Variants in CELF2 observed in about 807,000 individuals in gnomAD.
CELF2 encodes CUGBP Elav-like family member 2.
In CELF2, 8 loss-of-function variants were observed where a neutral mutation model predicts 62.6. The observed-to-expected ratio is 0.13, with a 90% CI of 0.07 to 0.23. The LOEUF (loss-of-function observed/expected upper bound fraction) is 0.23, where lower values mean the gene tolerates loss of function less well. Ranked by LOEUF, CELF2 falls within the 10% of genes least tolerant of loss-of-function variation. The pLI, the probability that CELF2 is intolerant of heterozygous loss-of-function variation, is 1.00. For synonymous variants in CELF2, 258 were observed against 250.0 expected, an observed-to-expected ratio of 1.03 and a Z score of -0.30; for missense variants, 333 against 671.0, an observed-to-expected ratio of 0.50 and a Z score of 5.56.
At chr10:10,668,128 T>C in the CELF2 span, among the ~76,000 whole-genome samples, 1 of 152,190 alleles carries the variant, frequency 6.6e-6, no homozygotes, top group Admixed American at 6.5e-5. Context: ...GCTTTCACCA[T>C]TGACATTTTT....
chr10:11,238,291 T>C (rs559764217), intron 3 of CELF2, among the ~76,000 whole-genome samples: 2 of 152,334 alleles, frequency 1.3e-5, no homozygotes, highest in African/African-American at 4.8e-5. Flanking sequence ...TCGTGGTCTT[T>C]TGTTGTAATT....
the CELF2 span, among the ~76,000 whole-genome samples, chr10:10,580,425 A>G: frequency 2.0e-5 from 3 of 152,274 alleles, no homozygotes; most frequent in African/African-American, 4.8e-5. Flanking sequence ...AGGAATGACT[A>G]TAAGAAATCC....
At chr10:10,547,316 CAT>C in the CELF2 span, among the ~76,000 whole-genome samples, 12 of 152,100 alleles carry the variant, frequency 7.9e-5, no homozygotes, top group Non-Finnish European at 1.5e-4. Flanking sequence ...CTAATTCCCA[CAT>C]GACACAGTAA....
the CELF2 span, among the ~76,000 whole-genome samples, chr10:10,550,808 C>T: frequency 6.6e-6 from 1 of 152,110 alleles, no homozygotes; most frequent in Non-Finnish European, 1.5e-5. Flanking sequence ...AAGTGATTCT[C>T]ATGCCTCAGC....
intron 2 of CELF2, among the ~76,000 whole-genome samples, chr10:11,182,641 A>C (rs1239937187): frequency 6.6e-6 from 1 of 152,214 alleles, no homozygotes; most frequent in East Asian, 1.9e-4. Flanking sequence ...TGAGAGTGGA[A>C]GTTCCAAAGG....
chr10:11,021,069 A>G (rs1230231832), intron 1 of CELF2, among the ~76,000 whole-genome samples: 1 of 152,186 alleles, frequency 6.6e-6, no homozygotes, highest in Non-Finnish European at 1.5e-5. Flanking sequence ...TTCAATTAAG[A>G]TGGTGGAGAG....
intron 1 of CELF2, among the ~76,000 whole-genome samples, chr10:10,842,017 G>A (rs1350061318): frequency 1.3e-5 from 2 of 151,896 alleles, no homozygotes; most frequent in Non-Finnish European, 2.9e-5. Flanking sequence ...ATTTTGTTAG[G>A]TTTATATCTA....
chr10:11,211,570 AT>A lies in CELF2; in HGVS notation c.272-5846del, dbSNP rs928507513. On this transcript the variant is annotated intron_variant, in intron 2 of 12. Transcript: ENST00000633077. This position sits in a 1 kb window ranked among gnomAD's most constrained non-coding sequence, Gnocchi z 4.8. The stretch of plus-strand genomic sequence containing the variant: ...ACTGGTTATCTTTATATATCAGTAC[AT>A]TTTTTTTTCCTGTGAGTATTATTAC... Among the ~76,000 whole-genome samples the A allele has an allele frequency of 1.6e-4, 24 of 151,590 alleles. No homozygotes were observed. The highest frequency in any genetic ancestry group is 4.4e-4 in the African/African-American group (18 of 41,320).
chr10:10,804,508 A>T (rs1013894614), intron 1 of CELF2, among the ~76,000 whole-genome samples: 4 of 152,210 alleles, frequency 2.6e-5, no homozygotes, highest in African/African-American at 9.7e-5. Flanking sequence ...ATTAGGAAAA[A>T]ACTTCAGAGG....
chr10:11,110,595 G>T lies in CELF2; in HGVS notation c.75-54891G>T, dbSNP rs1409648465. On this transcript the variant is annotated intron_variant, in intron 1 of 12. Coordinates refer to ENST00000633077, the MANE Select transcript of CELF2 (RefSeq NM_001326342.2). The surrounding 1 kb of genome is among the most constrained non-coding windows in gnomAD (Gnocchi z 4.0). ...CTAAGCAGAGCATCAGAGAGGAGAA[G>T]AGAGGAGGAGGCCTGGGTGGCATTT... is the stretch of plus-strand genomic sequence containing the variant. Among the ~76,000 whole-genome samples the T allele has an allele frequency of 6.6e-6, 1 of 152,224 alleles. No homozygotes were observed. The highest frequency in any genetic ancestry group is 1.5e-5 in the Non-Finnish European group (1 of 68,044).
At chr10:10,863,414 T>A (rs2060161157) in intron 1 of CELF2, among the ~76,000 whole-genome samples, 1 of 152,156 alleles carries the variant, frequency 6.6e-6, no homozygotes, top group African/African-American at 2.4e-5. Flanking sequence ...GTCAAAAACA[T>A]TGACATTTCA....
rs61580670 is a variant in CELF2 at position 11,025,239 on chromosome 10, G to GTGTGTATATATATA, written c.74+7077_74+7078insGTGTATATATATAT. 1.8e-4 allele frequency among the ~76,000 whole-genome samples: 25 copies of GTGTGTATATATATA among 141,086 alleles called. No individual in the cohort carries two copies. In the Middle Eastern group the frequency reaches 0.011, roughly 60 times the overall value. 92.6% of individuals were successfully genotyped at this position (141,086 alleles called of 152,430 possible). A position where few individuals can be genotyped will look rare whatever the true frequency, so the allele number is the denominator to read the frequency against. On this transcript the variant is annotated intron_variant, in intron 1 of 12. Transcript: ENST00000633077. ...TGTGTGTGTGTGTGTGTGTGTGTGT[G>GTGTGTATATATATA]TATATGTATGTGACTGTATATCTGG...
intron 1 of CELF2, among the ~76,000 whole-genome samples, chr10:10,865,077 A>G (rs2060272986): frequency 6.6e-6 from 1 of 152,202 alleles, no homozygotes; most frequent in Non-Finnish European, 1.5e-5. Context: ...TTGGAAGGAA[A>G]AATGAGGAAA....
intron 1 of CELF2, among the ~76,000 whole-genome samples, chr10:11,091,250 G>A (rs1191329990): frequency 2.0e-5 from 3 of 152,312 alleles, no homozygotes; most frequent in East Asian, 1.9e-4. Context: ...ATAAGTGGGC[G>A]TTGAGTCAAC....
chr10:11,131,308 A>G (rs2059587624), intron 1 of CELF2, among the ~76,000 whole-genome samples: 1 of 152,016 alleles, frequency 6.6e-6, no homozygotes, highest in South Asian at 2.1e-4. Flanking sequence ...AAGCACGAGG[A>G]CTCCTGGGAC....
At chr10:10,559,259 C>T in the CELF2 span, among the ~76,000 whole-genome samples, 127 of 152,210 alleles carry the variant, frequency 8.3e-4, no homozygotes, top group African/African-American at 2.7e-3. Flanking sequence ...GTGAAGAATT[C>T]GATGTTTTCT....
At chr10:10,834,859 G>A (rs1386275968) in intron 1 of CELF2, among the ~76,000 whole-genome samples, 5 of 152,190 alleles carry the variant, frequency 3.3e-5, no homozygotes, top group South Asian at 2.1e-4. Context: ...GTGCTTGTCC[G>A]ATGCTGCCTC....
At chr10:11,038,845 T>C (rs1208278194) in intron 1 of CELF2, among the ~76,000 whole-genome samples, 1 of 152,248 alleles carries the variant, frequency 6.6e-6, no homozygotes, top group African/African-American at 2.4e-5. Context: ...TTTTAAGTTA[T>C]ACTGATTGGA....
chr10:10,820,031 C>A (rs1319361931), intron 1 of CELF2, among the ~76,000 whole-genome samples: 1 of 152,108 alleles, frequency 6.6e-6, no homozygotes, highest in African/African-American at 2.4e-5. Flanking sequence ...CCTGTCTTTC[C>A]TGTGCTATTC....
Sources: gnomAD v4.1 joint callset for allele counts (sites outside exome capture counted in the v4.1 genomes callset) on GRCh38, gnomAD v4.1.1 for gene constraint, Gnocchi (gnomAD v3.1) non-coding constraint, MANE v1.5 for transcripts, NCBI Gene and HGNC (gene_info 2026-07-23, HGNC 2026-07-21) for gene names.